TAF1: variants seen among roughly 807,000 people sequenced by gnomAD.
TAF1 encodes the protein TATA-box binding protein associated factor 1, also known as transcription initiation factor TFIID subunit 1.
In TAF1, 2 loss-of-function variants were observed where a neutral mutation model predicts 138.5. That is an observed-to-expected ratio of 0.01 (90% CI 0.01 to 0.05). TAF1 has a LOEUF of 0.05. TAF1 is among the 10% of genes least tolerant of loss of function. The pLI is 1.00. For missense variants in TAF1, 709 were observed against 1,478.0 expected, an observed-to-expected ratio of 0.48 and a Z score of 8.53; for synonymous variants, 437 against 503.2, an observed-to-expected ratio of 0.87 and a Z score of 1.76.
rs1290062229 is a variant in TAF1 at position 71,465,769 on chromosome X, A to G, written c.*1723A>G. 1 of 111,967 alleles carries G rather than the reference A, an allele frequency of 8.9e-6. No homozygotes were observed. Among genetic ancestry groups the G allele is most frequent in the Admixed American group, 9.6e-5 (1 of 10,452 alleles). 9.2% of individuals were successfully genotyped at this position (111,967 alleles called of 1,213,427 possible). A position where few individuals can be genotyped will look rare whatever the true frequency, so the allele number is the denominator to read the frequency against. On this transcript the variant is annotated 3_prime_UTR_variant, in exon 38 of 38. Coordinates refer to ENST00000423759, the MANE Select transcript of TAF1 (RefSeq NM_004606.5). ...TAACATATGTGATCGCATTTTTGTAAAAGAACCATGTGTGTTTATATGTGT... is the reference window on the plus strand; with the variant it reads ...TAACATATGTGATCGCATTTTTGTAGAAGAACCATGTGTGTTTATATGTGT...
At chrX:71,434,296 A>G (rs993680601) in intron 32 of TAF1, among the ~76,000 whole-genome samples, 2 of 112,366 alleles carry the variant, frequency 1.8e-5, no homozygotes, top group African/African-American at 3.2e-5. Context: ...GTCCATGTGG[A>G]CTTTATTCTC....
chrX:71,425,972 G>C (rs1341805136), intron 32 of TAF1, among the ~76,000 whole-genome samples: 3 of 110,188 alleles, frequency 2.7e-5, no homozygotes, highest in Non-Finnish European at 5.7e-5. Context: ...ATCTAAATTA[G>C]AGTGGGGCTG....
intron 13 of TAF1, among the ~76,000 whole-genome samples, chrX:71,513,817 T>G (rs994058213): frequency 2.7e-5 from 3 of 111,486 alleles, no homozygotes; most frequent in Middle Eastern, 9.1e-3. Flanking sequence ...TGGAGAACTC[T>G]TCTATCTAGC....
intron 13 of TAF1, among the ~76,000 whole-genome samples, chrX:71,481,672 C>G (rs1052880612): frequency 1.8e-5 from 2 of 111,863 alleles, no homozygotes; most frequent in Non-Finnish European, 1.9e-5. Context: ...ATTCTCCTGC[C>G]TCAGCCTCCT....
intron 13 of TAF1, among the ~76,000 whole-genome samples, chrX:71,474,293 C>T (rs949893641): frequency 9.0e-6 from 1 of 111,555 alleles, no homozygotes; most frequent in Non-Finnish European, 1.9e-5. Context: ...AGTTTGGTCG[C>T]AGAGAGATTA....
At chrX:71,410,016 C>A (rs2035686895) in intron 28 of TAF1, among the ~76,000 whole-genome samples, 2 of 109,377 alleles carry the variant, frequency 1.8e-5, no homozygotes, top group Admixed American at 2.0e-4. Context: ...CCTCAGCCTC[C>A]CGAGTAGCTG....
Position 71,368,092 on chromosome X carries a change from G to A in TAF1, c.274G>A (p.Asp92Asn), listed in dbSNP as rs1409173262. Residue 92 changes from aspartate to asparagine, a missense_variant, in exon 3 of 38, where the codon GAC (aspartate) becomes AAC (asparagine). Physicochemically the swap from Asp to Asn is conservative, Grantham distance 23. This residue lies in a region of TAF1 where 123 missense variants were observed against 161.6 expected (regional missense o/e 0.76). Coordinates refer to ENST00000423759, the MANE Select transcript of TAF1 (RefSeq NM_004606.5). ...RSTEDAVDYSDINEVAEDESR... is the reference protein window; with the variant it reads ...RSTEDAVDYSNINEVAEDESR... ...TACAGAAGATGCTGTGGACTATTCA[G>A]ACATCAATGAGGTGGCAGAAGATGA... 8.3e-7 allele frequency: 1 copy of A among 1,212,073 alleles called. No homozygotes were observed. The highest frequency in any genetic ancestry group is 2.2e-5 in the Admixed American group (1 of 46,028).
At chrX:71,452,598 C>G (rs1025587065) in intron 32 of TAF1, among the ~76,000 whole-genome samples, 2 of 109,474 alleles carry the variant, frequency 1.8e-5, no homozygotes, top group African/African-American at 6.7e-5. Context: ...GGCAGAGGGG[C>G]TCCTCAGATC....
intron 15 of TAF1, among the ~76,000 whole-genome samples, chrX:71,388,025 G>A (rs1189668016): frequency 9.0e-6 from 1 of 111,545 alleles, no homozygotes; most frequent in Admixed American, 9.6e-5. Context: ...ACTGGAGCCC[G>A]GGAGGCAGAG....
intron 13 of TAF1, among the ~76,000 whole-genome samples, chrX:71,514,463 C>CAAAA (rs990209662): frequency 5.0e-5 from 2 of 39,752 alleles, no homozygotes; most frequent in Non-Finnish European, 4.8e-5. Flanking sequence ...AAAACTAAAC[C>CAAAA]AAAAAAAAAA....
chrX:71,498,795 G>T (rs2039442942), intron 13 of TAF1, among the ~76,000 whole-genome samples: 1 of 111,703 alleles, frequency 9.0e-6, no homozygotes, highest in South Asian at 3.7e-4. Context: ...AATGAGAAAG[G>T]AGTGTGAAAA....
intron 3 of TAF1, among the ~76,000 whole-genome samples, chrX:71,369,605 CTTTT>C (rs762612709): frequency 1.1e-5 from 1 of 92,192 alleles, no homozygotes; most frequent in Non-Finnish European, 2.2e-5. Flanking sequence ...CAGTGTGTTT[CTTTT>C]TTTTTTTTTT....
At chrX:71,439,185 C>T (rs927892304) in intron 32 of TAF1, among the ~76,000 whole-genome samples, 4 of 111,585 alleles carry the variant, frequency 3.6e-5, no homozygotes, top group African/African-American at 1.3e-4. Context: ...TCCTATCCTT[C>T]CTTATTCCAA....
intron 3 of TAF1, among the ~76,000 whole-genome samples, chrX:71,374,700 G>C (rs1339186571): frequency 9.0e-6 from 1 of 110,951 alleles, no homozygotes; most frequent in Non-Finnish European, 1.9e-5. Context: ...GCCCATCTTG[G>C]CCTCCCAAAG....
chrX:71,452,318 G>A (rs1458332838), intron 32 of TAF1, among the ~76,000 whole-genome samples: 1 of 109,269 alleles, frequency 9.2e-6, no homozygotes, highest in African/African-American at 3.3e-5. Context: ...GCGGTTGCCG[G>A]GCGGAGGGTC....
chrX:71,482,540 C>T (rs1264816420), intron 13 of TAF1, among the ~76,000 whole-genome samples: 2 of 112,352 alleles, frequency 1.8e-5, no homozygotes, highest in Non-Finnish European at 3.8e-5. Context: ...GTTATGTTTA[C>T]ACTATATTGT....
intron 13 of TAF1, among the ~76,000 whole-genome samples, chrX:71,514,009 G>A (rs761051182): frequency 4.5e-5 from 5 of 111,637 alleles, no homozygotes; most frequent in South Asian, 3.7e-4. Flanking sequence ...GCAGCAACCC[G>A]CTCAGGTCCC....
intron 13 of TAF1, among the ~76,000 whole-genome samples, chrX:71,471,392 A>G (rs1390413294): frequency 9.4e-6 from 1 of 106,422 alleles, no homozygotes; most frequent in Non-Finnish European, 1.9e-5. Context: ...ACCCAGATAT[A>G]TATTATGCTT....
At chrX:71,392,106 A>G (rs776677674) in intron 18 of TAF1, among the ~76,000 whole-genome samples, 10 of 112,105 alleles carry the variant, frequency 8.9e-5, no homozygotes, top group Non-Finnish European at 1.3e-4. Context: ...AAAGGGGCCA[A>G]TGCTTTGAAA....
Sources: allele counts gnomAD v4.1 joint callset (sites outside exome capture counted in the v4.1 genomes callset), GRCh38; gene constraint gnomAD v4.1.1; regional missense constraint gnomAD v4.1.1; transcripts MANE v1.5; gene names NCBI Gene and HGNC (gene_info 2026-07-23, HGNC 2026-07-21).